The following FAT1 variants were observed in gnomAD, a reference collection of about 807,000 sequenced individuals.
FAT1 encodes FAT atypical cadherin 1, also known as protocadherin Fat 1.
Under a neutral mutation model 329.8 loss-of-function variants are expected in FAT1, and 171 were observed. That is an observed-to-expected ratio of 0.52 (90% confidence interval 0.46 to 0.59). The LOEUF (loss-of-function observed/expected upper bound fraction) is 0.59. FAT1 is among the 20% of genes least tolerant of loss of function. The pLI is 0.00. For synonymous variants in FAT1, 2,233 were observed against 2,228.6 expected (o/e 1.00, Z -0.06); for missense variants, 5,672 against 5,774.4 (o/e 0.98, Z 0.57).
chr4:186,604,597 T>A (rs1320311563), intron 17 of FAT1, 23 bp from the exon 18 acceptor site: 1 of 1,562,912 alleles, frequency 6.4e-7, no homozygotes, highest in African/African-American at 1.4e-5. Context: ...AGAAACAAAA[T>A]TAAACAAAAA....
At chr4:186,627,014 GA>G (rs1394817524) in intron 9 of FAT1, among the ~76,000 whole-genome samples, 968 of 24,132 alleles carry the variant, frequency 0.04, 20 homozygotes, top group Admixed American at 0.11. Flanking sequence ...CCCACAGAAT[GA>G]ATGAATGAAT....
intron 21 of FAT1, 122 bp from the exon 22 acceptor site, chr4:186,600,482 T>C (rs778819485): frequency 2.3e-5 from 17 of 733,076 alleles, no homozygotes; most frequent in Non-Finnish European, 3.8e-5. Flanking sequence ...TACATTTAAG[T>C]ACTACAGAGC....
At chr4:186,658,144 A>T (rs142013631) in intron 3 of FAT1, among the ~76,000 whole-genome samples, 1 of 152,232 alleles carries the variant, frequency 6.6e-6, no homozygotes, top group African/African-American at 2.4e-5. Context: ...AATGTTATAA[A>T]AATTAGCAAT....
intron 11 of FAT1, among the ~76,000 whole-genome samples, chr4:186,614,745 A>G (rs889457953): frequency 1.3e-5 from 2 of 152,240 alleles, no homozygotes; most frequent in Non-Finnish European, 2.9e-5. Flanking sequence ...ATTTCCAAAT[A>G]CAGGAATTTA....
chr4:186,660,600 C>T (rs889177052), intron 3 of FAT1, among the ~76,000 whole-genome samples: 5 of 152,198 alleles, frequency 3.3e-5, no homozygotes, highest in Non-Finnish European at 1.5e-5. Context: ...GCCCTGCCAG[C>T]GGAGTGCCTG....
At chr4:186,647,403 G>T (rs1466734844) in intron 3 of FAT1, among the ~76,000 whole-genome samples, 1 of 152,182 alleles carries the variant, frequency 6.6e-6, no homozygotes, top group Non-Finnish European at 1.5e-5. Flanking sequence ...CCAGCTAAAT[G>T]CAAAGCTGAG....
At chr4:186,632,841 T>A (rs1740656694) in intron 7 of FAT1, among the ~76,000 whole-genome samples, 1 of 152,240 alleles carries the variant, frequency 6.6e-6, no homozygotes, top group African/African-American at 2.4e-5. Context: ...CCTTGTTCTC[T>A]GACATTTAAC....
At chr4:186,590,356 T>C (rs1161177462) in intron 26 of FAT1, 12 of 1,287,750 alleles carry the variant, frequency 9.3e-6, no homozygotes, top group African/African-American at 1.5e-5. Context: ...ATAACTGGCA[T>C]GCATAAGTCA....
intron 3 of FAT1, among the ~76,000 whole-genome samples, chr4:186,648,322 G>C (rs920585749): frequency 6.6e-6 from 1 of 152,078 alleles, no homozygotes; most frequent in Non-Finnish European, 1.5e-5. Flanking sequence ...TGAAAATATA[G>C]ACATATTTGA....
At chr4:186,614,066 G>T in intron 12 of FAT1, 125 bp downstream of exon 12, 1 of 732,970 alleles carries the variant, frequency 1.4e-6, no homozygotes, top group Non-Finnish European at 2.1e-6. Context: ...TGTCAACTTC[G>T]GAGCATCAGA....
At chr4:186,645,912 A>G (rs1741349846) in intron 3 of FAT1, among the ~76,000 whole-genome samples, 1 of 141,894 alleles carries the variant, frequency 7.0e-6, no homozygotes. Flanking sequence ...GACCACTGCA[A>G]TTGAGCTTAG....
Position 186,597,297 on chromosome 4 carries a change from A to G in FAT1, c.12369-126T>C, listed in dbSNP as rs1006246644. 5.6e-6 allele frequency: 6 copies of G among 1,078,404 alleles called. No homozygotes were observed. In the African/African-American group the frequency reaches 9.6e-5, roughly 17 times the overall value. The allele number at this position is 1,078,404 out of a possible 1,614,324, so 66.8% of individuals were successfully genotyped here. On this transcript the variant is annotated intron_variant, in intron 24 of 26. Transcript: ENST00000441802. ...CTATGTGAAGATCAAACCCAGATAA[A>G]AGACAACTAAAAAATGTAACGTCGA...
rs1193732151 is a variant in FAT1, at chr4:186,620,844, C to T, written c.5742G>A (p.Leu1914=). 4 of 1,613,844 alleles carry T rather than the reference C, an allele frequency of 2.5e-6. No homozygotes were observed. The Admixed American group carries it at 5.0e-5, about 20-fold the overall frequency. ...TDADSSAFSQ[L]IYSITEGNIG... is the part of the protein sequence containing the mutation. ...TGTTGCCTTCGGTGATGGAGTAAAT[C>T]AACTGTGAGAATGCACTTGAATCAG... The change falls in exon 10 of 27, where the codon TTG becomes TTA. Residue 1914 remains leucine, a synonymous_variant. Coordinates refer to ENST00000441802, the MANE Select transcript of FAT1 (RefSeq NM_005245.4).
intron 3 of FAT1, among the ~76,000 whole-genome samples, chr4:186,646,579 T>C (rs1579382152): frequency 6.6e-6 from 1 of 152,198 alleles, no homozygotes; most frequent in South Asian, 2.1e-4. Context: ...TGATCCTTTA[T>C]AGCATCTCCA....
Position 186,686,661 on chromosome 4 carries a change from C to T in FAT1, c.3265+19902G>A, listed in dbSNP as rs189293844. ...TGAACAGAACCCTGTGCCTTTTATC[C>T]GCCTCATACTCTTTTCCAAGTTCTT... On this transcript the variant is annotated intron_variant, in intron 2 of 26. Coordinates refer to ENST00000441802, the MANE Select transcript of FAT1 (RefSeq NM_005245.4). Among the ~76,000 whole-genome samples the T allele has an allele frequency of 3.4e-4, 52 of 152,100 alleles. No homozygotes were observed. In the East Asian group the frequency reaches 9.1e-3, roughly 27 times the overall value.
chr4:186,594,657 T>C (rs1007008187), intron 26 of FAT1, among the ~76,000 whole-genome samples: 2 of 117,188 alleles, frequency 1.7e-5, no homozygotes, highest in East Asian at 5.0e-4. Context: ...AGAGTGTGTA[T>C]ATATATATAT....
intron 26 of FAT1, among the ~76,000 whole-genome samples, chr4:186,592,318 G>A (rs1738274727): frequency 6.6e-6 from 1 of 152,148 alleles, no homozygotes; most frequent in South Asian, 2.1e-4. Flanking sequence ...TGAAGAGTCA[G>A]TTACAGGTTA....
intron 26 of FAT1, among the ~76,000 whole-genome samples, chr4:186,594,233 T>A (rs1579286517): frequency 6.6e-6 from 1 of 151,844 alleles, no homozygotes; most frequent in African/African-American, 2.4e-5. Flanking sequence ...GCCCGGCTGA[T>A]TTTTTTTATA....
chr4:186,701,962 C>T (rs1443947021), intron 2 of FAT1, among the ~76,000 whole-genome samples: 1 of 151,812 alleles, frequency 6.6e-6, no homozygotes, highest in Non-Finnish European at 1.5e-5. Context: ...GAGCCGACCC[C>T]ACACAGGTGA....
Sources: gnomAD v4.1 joint callset for allele counts (sites outside exome capture counted in the v4.1 genomes callset) on GRCh38, gnomAD v4.1.1 for gene constraint, MANE v1.5 for transcripts, NCBI Gene and HGNC (gene_info 2026-07-23, HGNC 2026-07-21) for gene names.